KIAA1217: variants seen among roughly 807,000 people sequenced by gnomAD.
KIAA1217 encodes the protein KIAA1217.
In KIAA1217, 88 loss-of-function variants were observed where a neutral mutation model predicts 163.9. The observed-to-expected ratio is 0.54, with a 90% CI of 0.45 to 0.64. KIAA1217 has a LOEUF of 0.64. Among genes scored for constraint, KIAA1217 ranks in the 30% least tolerant of loss-of-function variants. KIAA1217 has a pLI of 0.00. For synonymous variants in KIAA1217, 903 were observed against 923.1 expected (o/e 0.98, Z 0.39); for missense variants, 2,372 against 2,475.0 (o/e 0.96, Z 0.88).
intron 5 of KIAA1217, among the ~76,000 whole-genome samples, chr10:24,457,275 G>A (rs2061889199): frequency 6.6e-6 from 1 of 152,032 alleles, no homozygotes; most frequent in African/African-American, 2.4e-5. Context: ...TCAGCCTGCA[G>A]CTTGATTCTT....
chr10:23,730,269 T>C (rs1332687713), intron 1 of KIAA1217, among the ~76,000 whole-genome samples: 1 of 152,220 alleles, frequency 6.6e-6, no homozygotes, highest in Non-Finnish European at 1.5e-5. Flanking sequence ...CATGTGGATG[T>C]TCAGTTGTTT....
rs1843305048 is a variant in KIAA1217 at position 23,932,631 on chromosome 10, T to G, written c.-320-74594T>G. ...GAGCATTTTCTTTATGATTTTTAGA[T>G]AGTAATATTTTAGCATCATCTTACC... On this transcript the variant is annotated intron_variant, in intron 1 of 18. Transcript: ENST00000376462. Among the ~76,000 whole-genome samples the G allele has an allele frequency of 2.0e-5, 3 of 152,324 alleles. No individual in the cohort carries two copies. In the East Asian group the frequency reaches 5.8e-4, roughly 29 times the overall value.
intron 1 of KIAA1217, among the ~76,000 whole-genome samples, chr10:23,993,920 C>T (rs1046403079): frequency 2.0e-5 from 3 of 152,046 alleles, no homozygotes; most frequent in Non-Finnish European, 4.4e-5. Flanking sequence ...TGGGATGAGT[C>T]TTCCCGGTGT....
chr10:24,514,445 G>T (rs1336908404), intron 10 of KIAA1217, among the ~76,000 whole-genome samples: 1 of 152,050 alleles, frequency 6.6e-6, no homozygotes, highest in Non-Finnish European at 1.5e-5. Context: ...ATTAAAATTA[G>T]AGTGTCCCTC....
At chr10:24,348,092 C>T (rs148906549) in intron 2 of KIAA1217, among the ~76,000 whole-genome samples, 10 of 152,308 alleles carry the variant, frequency 6.6e-5, no homozygotes, top group African/African-American at 2.4e-4. Flanking sequence ...TGCAGTGGCT[C>T]ACGCCTGTAA....
At chr10:23,828,514 G>A (rs1838012045) in intron 1 of KIAA1217, among the ~76,000 whole-genome samples, 1 of 152,076 alleles carries the variant, frequency 6.6e-6, no homozygotes, top group Non-Finnish European at 1.5e-5. Flanking sequence ...GAGTAAAATT[G>A]GCTTTGGTAG....
intron 1 of KIAA1217, among the ~76,000 whole-genome samples, chr10:23,976,479 A>G (rs1434982071): frequency 6.6e-6 from 1 of 152,170 alleles, no homozygotes; most frequent in African/African-American, 2.4e-5. Context: ...CAGATGACAC[A>G]TACACACCTA....
chr10:24,350,341 T>C (rs1035358733), intron 2 of KIAA1217, among the ~76,000 whole-genome samples: 4 of 152,088 alleles, frequency 2.6e-5, no homozygotes, highest in African/African-American at 7.2e-5. Context: ...TTTACGAAAT[T>C]AGGAGGAGGG....
intron 2 of KIAA1217, among the ~76,000 whole-genome samples, chr10:24,071,239 A>G (rs1236697425): frequency 1.3e-5 from 2 of 152,214 alleles, no homozygotes; most frequent in Non-Finnish European, 2.9e-5. Flanking sequence ...GTACTTTAGA[A>G]GTGAACAAAA....
chr10:24,494,665 G>A, intron 7 of KIAA1217, 61 bp downstream of exon 7: 2 of 1,115,986 alleles, frequency 1.8e-6, no homozygotes, highest in South Asian at 2.7e-5. Flanking sequence ...TAATCATTAA[G>A]ATAATTCATT....
intron 2 of KIAA1217, among the ~76,000 whole-genome samples, chr10:24,035,121 C>T (rs189535745): frequency 4.3e-4 from 65 of 152,282 alleles, no homozygotes; most frequent in Admixed American, 1.2e-3. Context: ...GTTCAATTCC[C>T]GCTCCTGTAC....
chr10:24,511,429 G>A (rs931264924), intron 9 of KIAA1217, among the ~76,000 whole-genome samples: 13 of 152,116 alleles, frequency 8.5e-5, no homozygotes, highest in African/African-American at 2.7e-4. Flanking sequence ...GATCACTTGC[G>A]GTCAGGAGTT....
At chr10:23,900,962 G>T (rs963824833) in intron 1 of KIAA1217, among the ~76,000 whole-genome samples, 1 of 151,862 alleles carries the variant, frequency 6.6e-6, no homozygotes, top group Admixed American at 6.6e-5. Context: ...GCATATAGTA[G>T]GTGCTCAAAT....
chr10:24,424,269 AG>A (rs1193534322), intron 3 of KIAA1217, among the ~76,000 whole-genome samples: 1 of 152,220 alleles, frequency 6.6e-6, no homozygotes, highest in African/African-American at 2.4e-5. Context: ...GAGCCATTTG[AG>A]GAACACACAC....
intron 2 of KIAA1217, among the ~76,000 whole-genome samples, chr10:24,194,481 C>T (rs964058273): frequency 6.6e-6 from 1 of 151,420 alleles, no homozygotes; most frequent in African/African-American, 2.4e-5. Context: ...GCCACTCCAC[C>T]TGACCTCTGG....
intron 1 of KIAA1217, among the ~76,000 whole-genome samples, chr10:23,989,043 C>T (rs988422863): frequency 3.3e-5 from 5 of 152,154 alleles, no homozygotes; most frequent in African/African-American, 4.8e-5. Flanking sequence ...ATTTTAATTT[C>T]TGAACATTTT....
chr10:24,109,917 G>A (rs1381483298), intron 2 of KIAA1217, among the ~76,000 whole-genome samples: 5 of 152,258 alleles, frequency 3.3e-5, no homozygotes, highest in Admixed American at 6.5e-5. Context: ...CCAGGCAAGA[G>A]TGCAGTGGCA....
chr10:24,094,091 A>C (rs1358794080), intron 2 of KIAA1217, among the ~76,000 whole-genome samples: 1 of 152,040 alleles, frequency 6.6e-6, no homozygotes, highest in Non-Finnish European at 1.5e-5. Context: ...TGCTATTGTG[A>C]ATAGTGCCGC....
chr10:24,490,410 C>CT (rs1251870805), intron 6 of KIAA1217, among the ~76,000 whole-genome samples: 1 of 152,192 alleles, frequency 6.6e-6, no homozygotes, highest in Non-Finnish European at 1.5e-5. Context: ...ACTTTGCTTT[C>CT]TTCCCTTTCA....
Sources: allele counts gnomAD v4.1 joint callset (sites outside exome capture counted in the v4.1 genomes callset), GRCh38; gene constraint gnomAD v4.1.1; transcripts MANE v1.5; gene names NCBI Gene and HGNC (gene_info 2026-07-23, HGNC 2026-07-21).